Variants in TRABD2B observed in about 807,000 individuals in gnomAD.
TRABD2B encodes metalloprotease TIKI2.
In TRABD2B, 14 loss-of-function variants were observed where a neutral mutation model predicts 40.1. The observed-to-expected ratio is 0.35, with a 90% confidence interval of 0.23 to 0.55. The LOEUF (loss-of-function observed/expected upper bound fraction) is 0.55. Among genes scored for constraint, TRABD2B ranks in the 20% least tolerant of loss-of-function variants. The probability of loss-of-function intolerance (pLI) is 0.90; values close to 1 mark genes in which losing one functional copy is unlikely to be tolerated. For synonymous variants in TRABD2B, 263 were observed against 277.0 expected, an observed-to-expected ratio of 0.95 and a Z score of 0.50; for missense variants, 541 against 648.6, an observed-to-expected ratio of 0.83 and a Z score of 1.80.
At chr1:47,809,411 T>A (rs1179948585) in intron 2 of TRABD2B, among the ~76,000 whole-genome samples, 2 of 152,022 alleles carry the variant, frequency 1.3e-5, no homozygotes, top group East Asian at 3.9e-4. Context: ...GAGTCGCCCG[T>A]CACAGGACCC....
intron 2 of TRABD2B, among the ~76,000 whole-genome samples, chr1:47,835,139 A>C (rs958799589): frequency 6.6e-6 from 1 of 152,206 alleles, no homozygotes; most frequent in Non-Finnish European, 1.5e-5. Flanking sequence ...GTATAGTTGA[A>C]AAGTACAATA....
intron 2 of TRABD2B, among the ~76,000 whole-genome samples, chr1:47,913,414 CAACACCATTTCTG>C (rs1644788722): frequency 6.6e-6 from 1 of 152,180 alleles, no homozygotes; most frequent in African/African-American, 2.4e-5. Flanking sequence ...CCATCAGAAA[CAACACCATTTCTG>C]ATGGCAGAGA....
intron 2 of TRABD2B, among the ~76,000 whole-genome samples, chr1:47,896,962 T>A (rs867847813): frequency 1.8e-4 from 27 of 152,346 alleles, no homozygotes; most frequent in African/African-American, 6.5e-4. Flanking sequence ...GTTCTCAGTA[T>A]GTGGGATATT....
chr1:47,832,000 G>A (rs1452457379), intron 2 of TRABD2B, among the ~76,000 whole-genome samples: 1 of 152,180 alleles, frequency 6.6e-6, no homozygotes, highest in Non-Finnish European at 1.5e-5. Flanking sequence ...ATGATCACTG[G>A]TGTCTGCCTG....
At chr1:47,973,221 A>G (rs1207806183) in intron 2 of TRABD2B, among the ~76,000 whole-genome samples, 2 of 152,240 alleles carry the variant, frequency 1.3e-5, no homozygotes, top group Non-Finnish European at 2.9e-5. Flanking sequence ...TGACAGGCAC[A>G]CAGGGCCTGG....
chr1:47,761,046 C>CAAGCACCTCA lies in TRABD2B; in HGVS notation c.*4846_*4855dup, dbSNP rs1396596970. ...AGCCTGTGGGTCCTGGGAAGAAAGC[C>CAAGCACCTCA]AAGCACCTCATCTCCATGGAGGCCC... On this transcript the variant is annotated 3_prime_UTR_variant, in exon 7 of 7. Coordinates refer to ENST00000606738, the MANE Select transcript of TRABD2B (RefSeq NM_001194986.2). 1 of 152,300 alleles carries CAAGCACCTCA rather than the reference C, an allele frequency of 6.6e-6. No individual in the cohort carries two copies. The highest frequency in any genetic ancestry group is 2.4e-5 in the African/African-American group (1 of 41,456). The allele number at this position is 152,300 out of a possible 1,614,324, so 9.4% of individuals were successfully genotyped here.
chr1:47,819,423 A>T (rs1645077191), intron 2 of TRABD2B: 3 of 152,246 alleles, frequency 2.0e-5, no homozygotes, highest in Non-Finnish European at 4.4e-5. Context: ...CAAGGCTGAA[A>T]CCGAAGCCGC....
intron 6 of TRABD2B, among the ~76,000 whole-genome samples, chr1:47,771,974 C>T (rs1342297763): frequency 6.6e-6 from 1 of 152,168 alleles, no homozygotes; most frequent in Non-Finnish European, 1.5e-5. Context: ...ATCTGATCCT[C>T]ACGGCCTCCC....
intron 2 of TRABD2B, among the ~76,000 whole-genome samples, chr1:47,955,987 TTGGCTTC>T (rs1645415923): frequency 6.6e-6 from 1 of 152,234 alleles, no homozygotes; most frequent in Admixed American, 6.5e-5. Context: ...GCCTACCTAG[TTGGCTTC>T]TGACTGCCCT....
chr1:47,889,624 G>C (rs2201692), intron 2 of TRABD2B, among the ~76,000 whole-genome samples: 1 of 152,200 alleles, frequency 6.6e-6, no homozygotes, highest in Non-Finnish European at 1.5e-5. Context: ...TTATCTATTA[G>C]GTCAAAGATG....
chr1:47,781,429 C>T (rs768246381), intron 4 of TRABD2B, among the ~76,000 whole-genome samples: 5 of 152,194 alleles, frequency 3.3e-5, no homozygotes, highest in Non-Finnish European at 7.3e-5. Context: ...ACTTAGAGGG[C>T]CCAGGCCTCA....
chr1:47,943,757 AACACACACACACACACACAC>A (rs10554684), intron 2 of TRABD2B, among the ~76,000 whole-genome samples: 2 of 146,824 alleles, frequency 1.4e-5, no homozygotes, highest in Non-Finnish European at 3.0e-5. Flanking sequence ...GCATCCAGAA[AACACACACACACACACACAC>A]ACACACACAC....
At chr1:47,933,300 G>A (rs755815925) in intron 2 of TRABD2B, among the ~76,000 whole-genome samples, 1 of 151,408 alleles carries the variant, frequency 6.6e-6, no homozygotes, top group Non-Finnish European at 1.5e-5. Flanking sequence ...TTTTAGTAGA[G>A]ACGGGGTTTC....
At chr1:47,908,009 A>G (rs923921250) in intron 2 of TRABD2B, among the ~76,000 whole-genome samples, 6 of 152,192 alleles carry the variant, frequency 3.9e-5, no homozygotes, top group Non-Finnish European at 7.4e-5. Context: ...ATTAAAAAGT[A>G]ACCTGAGAAG....
chr1:47,882,503 G>C (rs546409924), intron 2 of TRABD2B, among the ~76,000 whole-genome samples: 2 of 152,338 alleles, frequency 1.3e-5, no homozygotes, highest in South Asian at 4.1e-4. Context: ...GGGTGAAGGA[G>C]AAACTTATAA....
chr1:47,796,960 T>C (rs1056157570), intron 3 of TRABD2B, among the ~76,000 whole-genome samples: 7 of 152,198 alleles, frequency 4.6e-5, no homozygotes, highest in African/African-American at 7.2e-5. Context: ...GTTCTTTAGG[T>C]ATGGAAAATA....
chr1:47,767,580 T>G (rs1304709625), intron 6 of TRABD2B, among the ~76,000 whole-genome samples: 1 of 152,090 alleles, frequency 6.6e-6, no homozygotes, highest in Non-Finnish European at 1.5e-5. Context: ...CACAAAGCGG[T>G]TAAGTGGCTT....
intron 2 of TRABD2B, among the ~76,000 whole-genome samples, chr1:47,959,794 C>T (rs989763826): frequency 1.3e-5 from 2 of 152,146 alleles, no homozygotes; most frequent in Non-Finnish European, 2.9e-5. Context: ...CAAAGAGGAG[C>T]TGGTACCATT....
intron 2 of TRABD2B, among the ~76,000 whole-genome samples, chr1:47,876,512 C>T (rs530650470): frequency 6.6e-6 from 1 of 152,334 alleles, no homozygotes; most frequent in East Asian, 1.9e-4. Context: ...AGACTAAGTA[C>T]CTACAAGTGG....
Sources: gnomAD v4.1 joint callset for allele counts (sites outside exome capture counted in the v4.1 genomes callset) on GRCh38, gnomAD v4.1.1 for gene constraint, MANE v1.5 for transcripts, NCBI Gene and HGNC (gene_info 2026-07-23, HGNC 2026-07-21) for gene names.